The following B4GALNT4 variants were observed in gnomAD, a reference collection of about 807,000 sequenced individuals.
B4GALNT4 encodes the protein beta-1,4-N-acetyl-galactosaminyltransferase 4.
A neutral mutation model predicts 110.0 loss-of-function variants in B4GALNT4; 77 were observed. The observed-to-expected ratio is 0.70, with a 90% CI of 0.58 to 0.85. The LOEUF (loss-of-function observed/expected upper bound fraction) is 0.85. Among genes scored for constraint, B4GALNT4 ranks in the 40% least tolerant of loss-of-function variants. The pLI is 0.00. For synonymous variants in B4GALNT4, 785 were observed against 655.5 expected (o/e 1.20, Z -3.02); for missense variants, 1,575 against 1,506.0 (o/e 1.05, Z -0.76).
At position 373,297 on chromosome 11, in the gene B4GALNT4, C is replaced by G. The variant is rs201198481; in HGVS notation, c.636+6C>G. On this transcript the variant is annotated splice_donor_region_variant and intron_variant, in intron 6 of 19. Coordinates refer to ENST00000329962, the MANE Select transcript of B4GALNT4 (RefSeq NM_178537.5). ...TTGTGGCCTTTGTGGGCAAGGTACC[C>G]CCACCCCAGCCCTGGTGTCGTCCCG... 3 of 1,605,746 alleles carry G rather than the reference C, an allele frequency of 1.9e-6. No homozygotes were observed. Among genetic ancestry groups the G allele is most frequent in the African/African-American group, 2.7e-5 (2 of 74,830 alleles).
intron 2 of B4GALNT4, 80 bp downstream of exon 2, chr11:372,292 T>G (rs1846631244): frequency 1.5e-6 from 2 of 1,324,208 alleles, no homozygotes; most frequent in South Asian, 2.5e-5. Flanking sequence ...CTTGAGAACC[T>G]GTCCATTCTG....
Position 369,641 on chromosome 11 carries a change from G to T in B4GALNT4, c.-163G>T, listed in dbSNP as rs1052588621. ...CCGCGGCCGAGGGCGGCCTGGGGGG[G>T]TCGCGGCCGCACCCGGTGGCCGCGC... On this transcript the variant is annotated 5_prime_UTR_variant, in exon 1 of 20. Coordinates refer to ENST00000329962, the MANE Select transcript of B4GALNT4 (RefSeq NM_178537.5). 6.2e-5 allele frequency among the ~76,000 whole-genome samples: 9 copies of T among 144,426 alleles called. No individual in the cohort carries two copies. Among genetic ancestry groups the T allele is most frequent in the Non-Finnish European group, 7.7e-5 (5 of 65,180 alleles). The allele number at this position is 144,426 out of a possible 152,430, so 94.7% of individuals were successfully genotyped here.
chr11:375,804 G>T lies in B4GALNT4; in HGVS notation c.985+31G>T, dbSNP rs61876283. 16 of 1,601,062 alleles carry T rather than the reference G, an allele frequency of 1.0e-5. No homozygotes were observed. In the South Asian group the frequency reaches 1.8e-4, roughly 18 times the overall value. On this transcript the variant is annotated intron_variant, in intron 10 of 19. Transcript: ENST00000329962. ...AGGGGGCCCGCGCGGGGGCGAGGGC[G>T]GGGGTGCCTGCCCCAGCCACCCTGT... is the stretch of plus-strand genomic sequence containing the variant.
Position 376,770 on chromosome 11 carries a change from C to T in B4GALNT4, c.1647C>T (p.Pro549=), listed in dbSNP as rs1846765304. 1.4e-6 allele frequency: 2 copies of T among 1,386,650 alleles called. No homozygotes were observed. Among genetic ancestry groups the T allele is most frequent in the Non-Finnish European group, 1.9e-6 (2 of 1,073,532 alleles). The allele number at this position is 1,386,650 out of a possible 1,614,324, so 85.9% of individuals were successfully genotyped here. A position where few individuals can be genotyped will look rare whatever the true frequency, so the allele number is the denominator to read the frequency against. The change falls in exon 14 of 20, where the codon CCC becomes CCT. Residue 549 remains proline (P), a synonymous_variant. Coordinates refer to ENST00000329962, the MANE Select transcript of B4GALNT4 (RefSeq NM_178537.5). The part of the protein sequence containing the change: ...RAPAPRAPWP[P]FPGVFLHPRP... ...CAGCGCCGCGTGCGCCCTGGCCGCCCTTCCCTGGCGTCTTCCTGCACCCCA... is the reference window on the plus strand; with the variant it reads ...CAGCGCCGCGTGCGCCCTGGCCGCCTTTCCCTGGCGTCTTCCTGCACCCCA...
At position 372,938 on chromosome 11, in the gene B4GALNT4, G is replaced by C. The variant is rs752135898; in HGVS notation, c.435G>C (p.Leu145=). 1.2e-6 allele frequency: 2 copies of C among 1,611,112 alleles called. No individual in the cohort carries two copies. Among genetic ancestry groups the C allele is most frequent in the South Asian group, 1.1e-5 (1 of 91,026 alleles). The change falls in exon 4 of 20, where the codon CTG becomes CTC. Residue 145 remains leucine (L), a synonymous_variant. Transcript: ENST00000329962. ...GHLRRNLHFP[L]FPHTRTTVKK... ...TGAGGAGGAACCTGCACTTCCCGCT[G>C]TTCCCTCATGTGAGTGCCGGGGTTG...
chr11:376,491 G>A lies in B4GALNT4; in HGVS notation c.1368G>A (p.Arg456=). The A allele has an allele frequency of 6.4e-7, 1 of 1,570,596 alleles. No individual in the cohort carries two copies. The highest frequency in any genetic ancestry group is 8.6e-7 in the Non-Finnish European group (1 of 1,166,972). ...SLEPTEAAPP[R]SGPQSPAPAA... is the part of the protein sequence containing the mutation. The stretch of plus-strand genomic sequence containing the variant: ...AGCCCACCGAGGCGGCCCCGCCCAG[G>A]AGCGGCCCCCAGTCCCCCGCCCCAG... The change falls in exon 14 of 20, where the codon AGG becomes AGA. Residue 456 remains arginine, a synonymous_variant. Transcript: ENST00000329962.
At chr11:378,522 C>G (rs1396002389) in intron 14 of B4GALNT4, among the ~76,000 whole-genome samples, 1 of 152,184 alleles carries the variant, frequency 6.6e-6, no homozygotes, top group African/African-American at 2.4e-5. Flanking sequence ...GTCCCTGACA[C>G]TCAGGGCTTT....
intron 3 of B4GALNT4, 31 bp from the exon 4 acceptor site, chr11:372,821 C>T (rs776902717): frequency 2.1e-5 from 33 of 1,565,586 alleles, no homozygotes; most frequent in Admixed American, 1.1e-4. Context: ...GGCGGCGGGC[C>T]GTGCAGAAGG....
In B4GALNT4 at chr11:376,653, A is replaced by G; in HGVS notation, c.1530A>G (p.Arg510=). The G allele has an allele frequency of 7.0e-7, 1 of 1,428,084 alleles. No individual in the cohort carries two copies. The highest frequency in any genetic ancestry group is 1.3e-5 in the South Asian group (1 of 74,730). The allele number at this position is 1,428,084 out of a possible 1,614,324, so 88.5% of individuals were successfully genotyped here. The part of the protein sequence containing the change: ...AARPLPLFLG[R]APPPRPAVEQ... ...GCCCTTTGCCGCTCTTCTTGGGCCG[A>G]GCTCCGCCCCCGCGCCCTGCAGTGG... The change falls in exon 14 of 20, where the codon CGA becomes CGG. Residue 510 remains arginine, a synonymous_variant. Transcript: ENST00000329962.
chr11:376,218 G>A (rs374736961), intron 12 of B4GALNT4, 33 bp from the exon 13 acceptor site: 23 of 1,592,174 alleles, frequency 1.4e-5, no homozygotes, highest in Middle Eastern at 1.8e-4. Flanking sequence ...TGGGCGGGGC[G>A]GGACTCGGCT....
intron 8 of B4GALNT4, 125 bp from the exon 9 acceptor site, chr11:375,336 C>T (rs973280790): frequency 2.0e-6 from 2 of 1,006,612 alleles, no homozygotes; most frequent in East Asian, 2.4e-5. Flanking sequence ...CCTCTGCCAT[C>T]TCCTCTCCTG....
chr11:370,448 C>T (rs1428762158), intron 1 of B4GALNT4, among the ~76,000 whole-genome samples: 1 of 151,922 alleles, frequency 6.6e-6, no homozygotes, highest in African/African-American at 2.4e-5. Flanking sequence ...CGCTTCCCGG[C>T]GGGGGCGCCT....
intron 19 of B4GALNT4, chr11:381,190 CG>C (rs1303668207): frequency 1.0e-6 from 1 of 969,866 alleles, no homozygotes; most frequent in Admixed American, 6.2e-5. Flanking sequence ...GCTCTGCCCC[CG>C]ATCCCATAGG....
Position 381,784 on chromosome 11 carries a change from G to T in B4GALNT4, c.3112G>T (p.Ala1038Ser). The change falls in exon 20 of 20, where the codon GCG becomes TCG. Residue 1038 changes from alanine to serine, a missense_variant. Ala to Ser is a moderately conservative substitution (Grantham distance 99). Coordinates refer to ENST00000329962, the MANE Select transcript of B4GALNT4 (RefSeq NM_178537.5). ...CAGCAGGAAGGGCTCTCGCACGGGG[G>T]CGTCTTGAGGACGGGCAGCCCCTCC... ...VRSRKGSRTG[A>S]S is the part of the protein sequence containing the mutation. The T allele has an allele frequency of 2.5e-6, 4 of 1,579,896 alleles. No individual in the cohort carries two copies. Among genetic ancestry groups the T allele is most frequent in the Non-Finnish European group, 3.4e-6 (4 of 1,166,712 alleles).
At position 372,149 on chromosome 11, in the gene B4GALNT4, C is replaced by T; in HGVS notation, c.192C>T (p.Val64=). 6.5e-7 allele frequency: 1 copy of T among 1,549,844 alleles called. No homozygotes were observed. Among genetic ancestry groups the T allele is most frequent in the Middle Eastern group, 1.7e-4 (1 of 5,802 alleles). ...KLTSETDGRG[V]HAAPSTQRAE... ...CCAGTGAGACCGACGGCCGGGGGGT[C>T]CACGCTGCGCCATCCACACAGAGGG... The change falls in exon 2 of 20, where the codon GTC becomes GTT. Residue 64 remains valine (V), a synonymous_variant. Transcript: ENST00000329962.
rs1364223149 is a variant in B4GALNT4 at position 377,263 on chromosome 11, C to T, written c.2140C>T (p.Pro714Ser). ...CAACGTTTCGGGGAACCTGCAGCTG[C>T]CGGAGGCGGAGGCCGTGGACGTGAC... ...RCNVSGNLQL[P>S]EAEAVDVTAQ... The change falls in exon 14 of 20, where the codon CCG becomes TCG. Residue 714 changes from proline (P) to serine (S), a missense_variant. Pro to Ser is a moderately conservative substitution (Grantham distance 74, BLOSUM62 -1). Transcript: ENST00000329962. 13 of 1,595,286 alleles carry T rather than the reference C, an allele frequency of 8.1e-6. No homozygotes were observed. The Admixed American group carries it at 1.2e-4, about 15-fold the overall frequency.
chr11:377,691 CCGGGG>C (rs1846787554), intron 14 of B4GALNT4, among the ~76,000 whole-genome samples: 1 of 152,252 alleles, frequency 6.6e-6, no homozygotes, highest in Admixed American at 6.5e-5. Flanking sequence ...CAGCCCCATT[CCGGGG>C]GGGCCAGGCA....
Position 379,490 on chromosome 11 carries a change from G to T in B4GALNT4, c.2277G>T (p.Leu759=). Residue 759 remains leucine (L), a synonymous_variant, in exon 15 of 20, where the codon CTG becomes CTT. Coordinates refer to ENST00000329962, the MANE Select transcript of B4GALNT4 (RefSeq NM_178537.5). ...RDSARGSRFL[L]ELELQERGGG... ...CGGCGCGAGGGAGTCGCTTCCTGCTGGAGCTGGAGCTGCAGGAGCGCGGGG... is the reference window on the plus strand; with the variant it reads ...CGGCGCGAGGGAGTCGCTTCCTGCTTGAGCTGGAGCTGCAGGAGCGCGGGG... 6.4e-7 allele frequency: 1 copy of T among 1,574,550 alleles called. No homozygotes were observed. Among genetic ancestry groups the T allele is most frequent in the East Asian group, 2.3e-5 (1 of 43,322 alleles).
In B4GALNT4 at chr11:382,002, T is replaced by C. The variant is rs1846886416; in HGVS notation, c.*210T>C. ...CAGGGCCTGGCCTTGGTCCCCACTC[T>C]GCGATGATTTCTGTGAAATTTTGCT... On this transcript the variant is annotated 3_prime_UTR_variant, in exon 20 of 20. Transcript: ENST00000329962. 2 of 464,486 alleles carry C rather than the reference T, an allele frequency of 4.3e-6. No individual in the cohort carries two copies. Among genetic ancestry groups the C allele is most frequent in the East Asian group, 7.7e-5 (2 of 26,120 alleles). The allele number at this position is 464,486 out of a possible 1,614,324, so 28.8% of individuals were successfully genotyped here. A position where few individuals can be genotyped will look rare whatever the true frequency, so the allele number is the denominator to read the frequency against.
Sources: allele counts gnomAD v4.1 joint callset (sites outside exome capture counted in the v4.1 genomes callset), GRCh38; gene constraint gnomAD v4.1.1; transcripts MANE v1.5; gene names NCBI Gene and HGNC (gene_info 2026-07-23, HGNC 2026-07-21).